The following ZNRF1 variants were observed in gnomAD, a reference collection of about 807,000 sequenced individuals.
ZNRF1 encodes the protein E3 ubiquitin-protein ligase ZNRF1.
ZNRF1 carries 3 observed loss-of-function variants against 18.4 expected under a neutral mutation model. The observed-to-expected ratio is 0.16, with a 90% CI of 0.07 to 0.42. ZNRF1 has a LOEUF of 0.42. Among genes scored for constraint, ZNRF1 ranks in the 10% least tolerant of loss-of-function variants. The pLI is 0.99. For missense variants in ZNRF1, 310 were observed against 329.8 expected (o/e 0.94, Z 0.47); for synonymous variants, 157 against 144.2 (o/e 1.09, Z -0.64).
chr16:75,064,642 C>G (rs2035780944), intron 1 of ZNRF1, among the ~76,000 whole-genome samples: 1 of 152,218 alleles, frequency 6.6e-6, no homozygotes, highest in East Asian at 1.9e-4. Context: ...CAGAACCTGC[C>G]TGGCACGTAG....
intron 1 of ZNRF1, among the ~76,000 whole-genome samples, chr16:75,024,164 C>A (rs1427072746): frequency 6.6e-6 from 1 of 152,140 alleles, no homozygotes; most frequent in Non-Finnish European, 1.5e-5. Context: ...GCCACCGCAC[C>A]CAGCCCAGAA....
intron 1 of ZNRF1, among the ~76,000 whole-genome samples, chr16:75,038,725 G>A (rs1296104472): frequency 6.6e-6 from 1 of 152,182 alleles, no homozygotes; most frequent in Non-Finnish European, 1.5e-5. Flanking sequence ...CTGTGTGTGT[G>A]TTCTTCTAAG....
At chr16:75,031,833 G>T (rs926356371) in intron 1 of ZNRF1, among the ~76,000 whole-genome samples, 6 of 152,140 alleles carry the variant, frequency 3.9e-5, no homozygotes, top group African/African-American at 1.4e-4. Flanking sequence ...TGCTCGGTCA[G>T]TTCTACTGTG....
chr16:75,057,444 T>G (rs905835114), intron 1 of ZNRF1, among the ~76,000 whole-genome samples: 4 of 152,194 alleles, frequency 2.6e-5, no homozygotes, highest in Non-Finnish European at 4.4e-5. Context: ...AATTTATTCC[T>G]TAGCCAGGGG....
At chr16:75,065,344 G>T (rs564717684) in intron 1 of ZNRF1, among the ~76,000 whole-genome samples, 12 of 152,220 alleles carry the variant, frequency 7.9e-5, no homozygotes, top group African/African-American at 2.9e-4. Flanking sequence ...GACTACTGCC[G>T]CACGGCAACT....
chr16:75,101,423 A>T (rs1223821221), intron 2 of ZNRF1, among the ~76,000 whole-genome samples: 1 of 152,126 alleles, frequency 6.6e-6, no homozygotes, highest in East Asian at 1.9e-4. Context: ...GTGTGGTGGC[A>T]TGCACCTGTA....
chr16:75,093,715 A>T (rs757311206), intron 2 of ZNRF1, 48 bp downstream of exon 2: 3 of 1,503,778 alleles, frequency 2.0e-6, no homozygotes, highest in South Asian at 2.3e-5. Flanking sequence ...CCGTCGGGGG[A>T]GCCGGCCAGT....
At chr16:75,105,272 G>C (rs1039146845) in intron 3 of ZNRF1, 1 of 208,028 alleles carries the variant, frequency 4.8e-6, no homozygotes, top group South Asian at 7.0e-5. Context: ...ACATCAATCT[G>C]TGCGAGGAAG....
intron 1 of ZNRF1, among the ~76,000 whole-genome samples, chr16:75,054,805 G>A (rs1282133336): frequency 1.3e-5 from 2 of 152,210 alleles, no homozygotes; most frequent in Non-Finnish European, 2.9e-5. Flanking sequence ...TGTGGGAATT[G>A]CTCCATGGCA....
chr16:75,042,814 T>A (rs1254036221), intron 1 of ZNRF1, among the ~76,000 whole-genome samples: 1 of 152,216 alleles, frequency 6.6e-6, no homozygotes, highest in East Asian at 1.9e-4. Flanking sequence ...GAGGTCCTTG[T>A]GACCTCTCAC....
rs1287121812 is a variant in ZNRF1 at position 75,109,164 on chromosome 16, G to A, written c.*1464G>A. 1 of 152,352 alleles carries A rather than the reference G, an allele frequency of 6.6e-6. No homozygotes were observed. Among genetic ancestry groups the A allele is most frequent in the South Asian group, 2.1e-4 (1 of 4,836 alleles). 9.4% of individuals were successfully genotyped at this position (152,352 alleles called of 1,614,324 possible). ...CATTGAGGCCCAGGAAGAGGCCCTG[G>A]TTTGGGGCTGTGCCAGCTCAGAGCC... On this transcript the variant is annotated 3_prime_UTR_variant, in exon 5 of 5. Coordinates refer to ENST00000335325, the MANE Select transcript of ZNRF1 (RefSeq NM_032268.5).
intron 2 of ZNRF1, among the ~76,000 whole-genome samples, chr16:75,102,901 G>T (rs1403528039): frequency 1.3e-5 from 2 of 152,168 alleles, no homozygotes. Flanking sequence ...CGCACTCCTT[G>T]TTGTCGGCCC....
At chr16:75,075,807 T>C (rs1325289064) in intron 1 of ZNRF1, among the ~76,000 whole-genome samples, 1 of 152,106 alleles carries the variant, frequency 6.6e-6, no homozygotes, top group African/African-American at 2.4e-5. Flanking sequence ...TAGGATGCTG[T>C]CATGTGGAGA....
chr16:75,002,856 C>T (rs1365004598), intron 1 of ZNRF1, among the ~76,000 whole-genome samples: 2 of 152,244 alleles, frequency 1.3e-5, no homozygotes, highest in East Asian at 3.8e-4. Flanking sequence ...TCTCTCCGTT[C>T]TTCACACGAA....
chr16:75,077,178 G>T (rs1485893683), intron 1 of ZNRF1, among the ~76,000 whole-genome samples: 4 of 152,164 alleles, frequency 2.6e-5, no homozygotes, highest in Non-Finnish European at 5.9e-5. Context: ...GGACCACGAG[G>T]TCAGGAGATC....
intron 1 of ZNRF1, among the ~76,000 whole-genome samples, chr16:75,066,873 CTG>C (rs1237274413): frequency 1.3e-5 from 2 of 152,142 alleles, no homozygotes; most frequent in Non-Finnish European, 2.9e-5. Flanking sequence ...ATTTCAGTAA[CTG>C]TGGGGTAACA....
Position 75,000,105 on chromosome 16 carries a change from CG to C in ZNRF1, c.424+13del. ...TTCAGCTCGCATAGTGGTGAGTCCGCGGGTGGTGGAGGCCTCGGAGGGAGGG... is the reference window on the plus strand; with the variant it reads ...TTCAGCTCGCATAGTGGTGAGTCCGCGGTGGTGGAGGCCTCGGAGGGAGGG... On this transcript the variant is annotated intron_variant, in intron 1 of 4. Transcript: ENST00000335325. The C allele has an allele frequency of 6.3e-7, 1 of 1,595,624 alleles. No homozygotes were observed. The highest frequency in any genetic ancestry group is 1.1e-5 in the South Asian group (1 of 87,766).
At chr16:75,055,265 CTTAT>C (rs1171869868) in intron 1 of ZNRF1, among the ~76,000 whole-genome samples, 1 of 152,160 alleles carries the variant, frequency 6.6e-6, no homozygotes, top group African/African-American at 2.4e-5. Context: ...CTTACTAGAA[CTTAT>C]TTATTTTTAT....
rs1334552920 is a variant in ZNRF1 at position 75,010,701 on chromosome 16, G to GTTTTTTTTTTTTTTT, written c.424+10615_424+10616insTTTTTTTTTTTTTTT. ...AAATTAGTCACCTCTGTACTGTACT[G>GTTTTTTTTTTTTTTT]TTTTTTTTTGTTTTTTTGTTTTTTT... On this transcript the variant is annotated intron_variant, in intron 1 of 4. Coordinates refer to ENST00000335325, the MANE Select transcript of ZNRF1 (RefSeq NM_032268.5). Among the ~76,000 whole-genome samples the GTTTTTTTTTTTTTTT allele has an allele frequency of 5.3e-4, 34 of 63,802 alleles. 4 individuals carry two copies. Among genetic ancestry groups the GTTTTTTTTTTTTTTT allele is most frequent in the African/African-American group, 9.4e-4 (21 of 22,322 alleles). 41.9% of individuals were successfully genotyped at this position (63,802 alleles called of 152,430 possible). A position where few individuals can be genotyped will look rare whatever the true frequency, so the allele number is the denominator to read the frequency against.
Sources: gnomAD v4.1 joint callset for allele counts (sites outside exome capture counted in the v4.1 genomes callset) on GRCh38, gnomAD v4.1.1 for gene constraint, MANE v1.5 for transcripts, NCBI Gene and HGNC (gene_info 2026-07-23, HGNC 2026-07-21) for gene names.